The following CCSER2 variants were observed in gnomAD, a reference collection of about 807,000 sequenced individuals.
The protein encoded by CCSER2 is serine-rich coiled-coil domain-containing protein 2.
A neutral mutation model predicts 92.3 loss-of-function variants in CCSER2; 46 were observed. The ratio of observed to expected loss-of-function variants is 0.50; its 90% CI spans 0.39 to 0.64. CCSER2 has a LOEUF of 0.64. Ranked by LOEUF, CCSER2 falls within the 30% of genes least tolerant of loss-of-function variation. The probability of loss-of-function intolerance (pLI) is 0.00; values close to 1 mark genes in which losing one functional copy is unlikely to be tolerated. For synonymous variants in CCSER2, 433 were observed against 431.4 expected (o/e 1.00, Z -0.04); for missense variants, 1,244 against 1,238.9 (o/e 1.00, Z -0.06).
At chr10:84,498,585 T>G (rs935227323) in intron 9 of CCSER2, among the ~76,000 whole-genome samples, 1 of 152,228 alleles carries the variant, frequency 6.6e-6, no homozygotes, top group Admixed American at 6.5e-5. Context: ...GTGAGAAAAA[T>G]TTTTTTCATT....
intron 8 of CCSER2, among the ~76,000 whole-genome samples, chr10:84,475,954 C>T (rs1847112364): frequency 1.3e-5 from 2 of 152,100 alleles, no homozygotes; most frequent in Admixed American, 1.3e-4. Context: ...CACTCAACCT[C>T]CCGGGTAGCT....
intron 9 of CCSER2, among the ~76,000 whole-genome samples, chr10:84,487,874 G>T (rs183311344): frequency 1.3e-5 from 2 of 152,116 alleles, no homozygotes; most frequent in Admixed American, 1.3e-4. Context: ...TTGGCTGTGG[G>T]TTTTTCATAA....
chr10:84,401,491 T>A (rs1842118133), intron 3 of CCSER2, among the ~76,000 whole-genome samples: 1 of 152,180 alleles, frequency 6.6e-6, no homozygotes, highest in Non-Finnish European at 1.5e-5. Flanking sequence ...TCACCCAAGT[T>A]GAAATAGATA....
chr10:84,461,138 A>G (rs773044450), intron 6 of CCSER2, among the ~76,000 whole-genome samples: 2 of 152,066 alleles, frequency 1.3e-5, no homozygotes, highest in Non-Finnish European at 2.9e-5. Flanking sequence ...ATTTTCCTTC[A>G]ATTCACAATA....
intron 9 of CCSER2, among the ~76,000 whole-genome samples, chr10:84,509,234 T>G (rs1849225373): frequency 6.6e-6 from 1 of 152,228 alleles, no homozygotes; most frequent in African/African-American, 2.4e-5. Context: ...GCTTCATCAT[T>G]GACCTAAATC....
At chr10:84,398,370 C>T (rs1037455424) in intron 3 of CCSER2, among the ~76,000 whole-genome samples, 1 of 152,142 alleles carries the variant, frequency 6.6e-6, no homozygotes, top group Non-Finnish European at 1.5e-5. Flanking sequence ...ATAATTCCCT[C>T]TTTGCTATGT....
At chr10:84,412,936 G>T (rs970271415) in intron 3 of CCSER2, among the ~76,000 whole-genome samples, 1 of 152,146 alleles carries the variant, frequency 6.6e-6, no homozygotes, top group Non-Finnish European at 1.5e-5. Context: ...GTGCATAGAG[G>T]TGTTTATAGT....
Position 84,515,054 on chromosome 10 carries a change from TAC to T in CCSER2, c.*788_*789del, listed in dbSNP as rs2131894506. 6.5e-6 allele frequency: 1 copy of T among 152,792 alleles called. No individual in the cohort carries two copies. The highest frequency in any genetic ancestry group is 2.1e-4 in the South Asian group (1 of 4,830). The allele number at this position is 152,792 out of a possible 1,614,324, so 9.5% of individuals were successfully genotyped here. The stretch of plus-strand genomic sequence containing the variant: ...CGCTTGAGATACACCTTGAAACCTG[TAC>T]CTAAAGATGTATTCATTTGTAACAT... On this transcript the variant is annotated 3_prime_UTR_variant, in exon 10 of 10. Transcript: ENST00000372088.
At chr10:84,457,238 T>TATATATAA in intron 6 of CCSER2, among the ~76,000 whole-genome samples, 1 of 60,892 alleles carries the variant, frequency 1.6e-5, no homozygotes, top group East Asian at 4.1e-4. Context: ...ATAAATATAT[T>TATATATAA]ATATATTATA....
intron 5 of CCSER2, among the ~76,000 whole-genome samples, chr10:84,434,170 A>T (rs1843962588): frequency 6.6e-6 from 1 of 151,878 alleles, no homozygotes; most frequent in Non-Finnish European, 1.5e-5. Context: ...CTTCTTACAC[A>T]TTTGCCCCTG....
intron 1 of CCSER2, among the ~76,000 whole-genome samples, chr10:84,345,399 A>T (rs546044092): frequency 6.6e-6 from 1 of 152,320 alleles, no homozygotes; most frequent in Non-Finnish European, 1.5e-5. Flanking sequence ...AGCATTTAGT[A>T]TTTTGACATT....
At chr10:84,393,491 T>C (rs2133272045) in intron 3 of CCSER2, among the ~76,000 whole-genome samples, 1 of 152,294 alleles carries the variant, frequency 6.6e-6, no homozygotes, top group South Asian at 2.1e-4. Context: ...CAAAGCATGA[T>C]CTTAAAGATA....
rs568254474 is a variant in CCSER2, at chr10:84,403,928, G to T, written c.1615-13843G>T. ...TAGAAGATAACAAATGAGAGACAGA[G>T]TTTGTCTTTGTTCAGATTATGGAAA... On this transcript the variant is annotated intron_variant, in intron 3 of 9. Coordinates refer to ENST00000372088, the MANE Select transcript of CCSER2 (RefSeq NM_001284240.2). Among the ~76,000 whole-genome samples the T allele has an allele frequency of 6.4e-4, 97 of 152,304 alleles. 1 individual carries two copies. The South Asian group carries it at 0.02, about 31-fold the overall frequency.
At chr10:84,402,813 G>GA (rs373988016) in intron 3 of CCSER2, among the ~76,000 whole-genome samples, 37 of 152,222 alleles carry the variant, frequency 2.4e-4, no homozygotes, top group African/African-American at 7.5e-4. Flanking sequence ...GAGAAAGAAA[G>GA]AAAAGGGATT....
At position 84,470,420 on chromosome 10, in the gene CCSER2, A is replaced by G; in HGVS notation, c.2197A>G (p.Lys733Glu). 1 of 1,402,044 alleles carries G rather than the reference A, an allele frequency of 7.1e-7. No homozygotes were observed. Among genetic ancestry groups the G allele is most frequent in the East Asian group, 2.6e-5 (1 of 38,164 alleles). The allele number at this position is 1,402,044 out of a possible 1,614,324, so 86.9% of individuals were successfully genotyped here. A position where few individuals can be genotyped will look rare whatever the true frequency, so the allele number is the denominator to read the frequency against. The change falls in exon 8 of 10, where the codon AAA becomes GAA. Residue 733 changes from lysine (K) to glutamate (E), a missense_variant. Lys to Glu is a moderately conservative substitution (Grantham distance 56). Transcript: ENST00000372088. Reference sequence around the variant, plus strand: ...AAAACAACTTAAAGACGAAATAAAGAAAAAAGATGAAAAGATCCAACTATT... The same window carrying G: ...AAAACAACTTAAAGACGAAATAAAGGAAAAAGATGAAAAGATCCAACTATT... ...EIKQLKDEIK[K>E]KDEKIQLLEL...
chr10:84,347,852 A>ACGGGGCGG (rs1844613534), intron 1 of CCSER2, among the ~76,000 whole-genome samples: 2 of 150,924 alleles, frequency 1.3e-5, no homozygotes, highest in Admixed American at 6.6e-5. Flanking sequence ...CACATCCCAG[A>ACGGGGCGG]CGGGGCGGCG....
At chr10:84,495,703 C>T (rs1554865634) in intron 9 of CCSER2, among the ~76,000 whole-genome samples, 1 of 148,720 alleles carries the variant, frequency 6.7e-6, no homozygotes, top group Non-Finnish European at 1.5e-5. Context: ...TGTGAGGTCT[C>T]TTTCTATATG....
chr10:84,449,009 A>G (rs1845099845), intron 6 of CCSER2, among the ~76,000 whole-genome samples: 1 of 152,158 alleles, frequency 6.6e-6, no homozygotes, highest in Non-Finnish European at 1.5e-5. Context: ...GGTTGTTTTT[A>G]GTTGTGGAAT....
chr10:84,454,149 C>A (rs929605986), intron 6 of CCSER2, among the ~76,000 whole-genome samples: 11 of 152,128 alleles, frequency 7.2e-5, no homozygotes, highest in Admixed American at 1.3e-4. Context: ...GAGAAACTTG[C>A]GTTTCTTCTA....
Sources: gnomAD v4.1 joint callset for allele counts (sites outside exome capture counted in the v4.1 genomes callset) on GRCh38, gnomAD v4.1.1 for gene constraint, MANE v1.5 for transcripts, NCBI Gene and HGNC (gene_info 2026-07-23, HGNC 2026-07-21) for gene names.